MYO6: variants seen among roughly 807,000 people sequenced by gnomAD.
MYO6 encodes the protein unconventional myosin-VI.
Under a neutral mutation model 178.7 loss-of-function variants are expected in MYO6, and 74 were observed. The ratio of observed to expected loss-of-function variants is 0.41; its 90% CI spans 0.34 to 0.50. The LOEUF (loss-of-function observed/expected upper bound fraction) is 0.50. Among genes scored for constraint, MYO6 ranks in the 20% least tolerant of loss-of-function variants. The probability of loss-of-function intolerance (pLI) is 0.09; values close to 1 mark genes in which losing one functional copy is unlikely to be tolerated. For synonymous variants in MYO6, 477 were observed against 504.6 expected, an observed-to-expected ratio of 0.95 and a Z score of 0.73; for missense variants, 1,330 against 1,547.4, an observed-to-expected ratio of 0.86 and a Z score of 2.36.
intron 1 of MYO6, among the ~76,000 whole-genome samples, chr6:75,806,387 C>CAA (rs35917621): frequency 6.5e-5 from 8 of 123,880 alleles, no homozygotes; most frequent in East Asian, 2.3e-4. Flanking sequence ...GACTCTGTCT[C>CAA]AAAAAAAAAA....
At chr6:75,853,408 T>TTGTGATC (rs1476742092) in intron 11 of MYO6, among the ~76,000 whole-genome samples, 1 of 152,184 alleles carries the variant, frequency 6.6e-6, no homozygotes, top group African/African-American at 2.4e-5. Flanking sequence ...CATGAAGATT[T>TTGTGATC]ACTTTGTGAT....
intron 6 of MYO6, 32 bp downstream of exon 6, chr6:75,832,979 T>C: frequency 1.4e-6 from 2 of 1,461,390 alleles, no homozygotes; most frequent in Non-Finnish European, 1.9e-6. Flanking sequence ...AGTATTTGAG[T>C]AGGTTGATCT....
chr6:75,857,222 A>G lies in MYO6; in HGVS notation c.1349A>G (p.Tyr450Cys). The G allele has an allele frequency of 1.2e-6, 2 of 1,613,808 alleles. No individual in the cohort carries two copies. Among genetic ancestry groups the G allele is most frequent in the South Asian group, 1.1e-5 (1 of 91,068 alleles). The stretch of plus-strand genomic sequence containing the variant: ...TGTTTTCCTTTTGAAACATCATCCT[A>G]TTTTATTGGAGTCCTAGATATTGCT... ...NQCFPFETSS[Y>C]FIGVLDIAGF... Residue 450 changes from tyrosine to cysteine, a missense_variant, in exon 13 of 35, where the codon TAT becomes TGT. Tyr to Cys is a radical substitution (Grantham distance 194). Around this residue, in one of 3 missense-constraint regions of MYO6, gnomAD observed 613 missense variants for 816.8 expected, o/e 0.75. Coordinates refer to ENST00000369977, the MANE Select transcript of MYO6 (RefSeq NM_004999.4).
chr6:75,909,024 G>A (rs996212408), intron 32 of MYO6, among the ~76,000 whole-genome samples: 1 of 152,012 alleles, frequency 6.6e-6, no homozygotes, highest in African/African-American at 2.4e-5. Flanking sequence ...AAGGATGATG[G>A]TTAGTTTTTA....
chr6:75,837,696 C>T (rs763560969), intron 7 of MYO6, among the ~76,000 whole-genome samples: 5 of 152,110 alleles, frequency 3.3e-5, no homozygotes, highest in Non-Finnish European at 2.9e-5. Context: ...TAAAGTTGAG[C>T]ACCAGTAAAG....
At chr6:75,866,805 G>A in intron 17 of MYO6, 127 bp from the exon 18 acceptor site, 1 of 1,122,276 alleles carries the variant, frequency 8.9e-7, no homozygotes, top group Non-Finnish European at 1.3e-6. Flanking sequence ...CTGACTAGTG[G>A]TGACGGCGTT....
intron 13 of MYO6, among the ~76,000 whole-genome samples, chr6:75,858,246 C>A (rs1441592639): frequency 6.6e-6 from 1 of 152,090 alleles, no homozygotes; most frequent in Non-Finnish European, 1.5e-5. Context: ...AGAAAAAAAT[C>A]TTCTAAAGCA....
At chr6:75,816,714 T>C (rs1042145780) in intron 1 of MYO6, among the ~76,000 whole-genome samples, 1 of 152,226 alleles carries the variant, frequency 6.6e-6, no homozygotes, top group Admixed American at 6.5e-5. Flanking sequence ...TTCCCAGAGA[T>C]AATAATCTCT....
chr6:75,856,547 G>A (rs1450929569), intron 12 of MYO6, among the ~76,000 whole-genome samples: 3 of 151,078 alleles, frequency 2.0e-5, no homozygotes, highest in Non-Finnish European at 2.9e-5. Context: ...ATTTAGCATG[G>A]TGTTTGGAAA....
At chr6:75,848,273 T>C (rs773810769) in intron 10 of MYO6, 78 bp from the exon 11 acceptor site, 12 of 1,299,190 alleles carry the variant, frequency 9.2e-6, no homozygotes, top group Non-Finnish European at 1.3e-5. Flanking sequence ...ATATAGTGCA[T>C]TAATTGACCT....
In MYO6 at chr6:75,860,924, C is replaced by A. The variant is rs1011146790; in HGVS notation, c.1474-99C>A. On this transcript the variant is annotated intron_variant, in intron 14 of 34. Transcript: ENST00000369977. ...TAAGGCTATACCAGTTTGTATAAACCTTTGCATTCTAATTAGCAAATGTTA... is the reference window on the plus strand; with the variant it reads ...TAAGGCTATACCAGTTTGTATAAACATTTGCATTCTAATTAGCAAATGTTA... 12 of 931,866 alleles carry A rather than the reference C, an allele frequency of 1.3e-5. No individual in the cohort carries two copies. The African/African-American group carries it at 1.3e-4, about 10-fold the overall frequency. The allele number at this position is 931,866 out of a possible 1,614,324, so 57.7% of individuals were successfully genotyped here.
intron 1 of MYO6, among the ~76,000 whole-genome samples, chr6:75,753,455 G>GTGTGTGTGTGTGTGTATATATATATA: frequency 7.1e-6 from 1 of 140,058 alleles, no homozygotes; most frequent in African/African-American, 2.7e-5. Context: ...GTGTGTGTGT[G>GTGTGTGTGTGTGTGTATATATATATA]TATATATATA....
chr6:75,767,840 A>C (rs1309181101), intron 1 of MYO6, among the ~76,000 whole-genome samples: 1 of 152,104 alleles, frequency 6.6e-6, no homozygotes, highest in Non-Finnish European at 1.5e-5. Flanking sequence ...TTAAGCAATT[A>C]AATTGGTGGA....
rs1284393965 is a variant in MYO6, at chr6:75,898,408, G to A, written c.3173G>A (p.Ser1058Asn). 6.2e-7 allele frequency: 1 copy of A among 1,609,028 alleles called. No individual in the cohort carries two copies. The change falls in exon 30 of 35, where the codon AGT (serine) becomes AAT (asparagine). Residue 1058 changes from serine to asparagine, a missense_variant. This residue lies in a region of MYO6 where 601 missense variants were observed against 626.1 expected (regional missense o/e 0.96). Transcript: ENST00000369977. The stretch of plus-strand genomic sequence containing the variant: ...GCCAAAGAAATGTCAGAATTTTTGA[G>A]TAGGTTAGTGCAGTGTAATTGGGGG... ...QMAKEMSEFLSRGPAVLATKA... is the reference protein window; with the variant it reads ...QMAKEMSEFLNRGPAVLATKA...
chr6:75,785,580 G>C (rs1175181030), intron 1 of MYO6, among the ~76,000 whole-genome samples: 4 of 150,188 alleles, frequency 2.7e-5, no homozygotes, highest in Admixed American at 6.6e-5. Flanking sequence ...TCAAGCGATC[G>C]TCCCGTGGAG....
intron 6 of MYO6, among the ~76,000 whole-genome samples, chr6:75,835,113 A>T (rs1349077719): frequency 6.6e-6 from 1 of 152,230 alleles, no homozygotes. Context: ...GTTCGGAGGC[A>T]GATTGCCTCA....
intron 1 of MYO6, among the ~76,000 whole-genome samples, chr6:75,783,713 A>G (rs1434135074): frequency 2.6e-5 from 4 of 152,170 alleles, no homozygotes; most frequent in African/African-American, 4.8e-5. Context: ...CCTAGGATCC[A>G]CCTATCATTT....
chr6:75,900,510 T>G (rs1245335848), intron 30 of MYO6, among the ~76,000 whole-genome samples: 5 of 152,080 alleles, frequency 3.3e-5, no homozygotes, highest in South Asian at 4.1e-4. Context: ...TTTTTCATGT[T>G]TTTTTTGGCT....
chr6:75,820,533 C>T (rs1771762454), intron 2 of MYO6, among the ~76,000 whole-genome samples: 1 of 152,018 alleles, frequency 6.6e-6, no homozygotes, highest in South Asian at 2.1e-4. Flanking sequence ...CCATGTCTGG[C>T]TAATTTGTTG....
Sources: gnomAD v4.1 joint callset for allele counts (sites outside exome capture counted in the v4.1 genomes callset) on GRCh38, gnomAD v4.1.1 for gene constraint, gnomAD v4.1.1 regional missense constraint, MANE v1.5 for transcripts, NCBI Gene and HGNC (gene_info 2026-07-23, HGNC 2026-07-21) for gene names.